MAGI1: variants seen among roughly 807,000 people sequenced by gnomAD.
MAGI1 encodes membrane-associated guanylate kinase, WW and PDZ domain-containing protein 1.
MAGI1 carries 58 observed loss-of-function variants against 139.9 expected under a neutral mutation model. That is an observed-to-expected ratio of 0.41 (90% CI 0.34 to 0.52). The LOEUF (loss-of-function observed/expected upper bound fraction) is 0.52. Among genes scored for constraint, MAGI1 ranks in the 20% least tolerant of loss-of-function variants. MAGI1 has a pLI of 0.12. For missense variants in MAGI1, 1,874 were observed against 1,901.6 expected (o/e 0.99, Z 0.27); for synonymous variants, 812 against 737.9 (o/e 1.10, Z -1.63).
At chr3:65,790,557 G>T (rs1294451951) in intron 1 of MAGI1, among the ~76,000 whole-genome samples, 1 of 152,162 alleles carries the variant, frequency 6.6e-6, no homozygotes, top group Non-Finnish European at 1.5e-5. Context: ...AAGACAAAAA[G>T]ACGGCCTATT....
intron 5 of MAGI1, among the ~76,000 whole-genome samples, chr3:65,464,133 AT>A (rs1559577618): frequency 6.6e-6 from 1 of 151,234 alleles, no homozygotes; most frequent in African/African-American, 2.4e-5. Flanking sequence ...GTCTGCTCTC[AT>A]TTTTTTCTTT....
chr3:65,412,141 A>G (rs1034943618), intron 12 of MAGI1, among the ~76,000 whole-genome samples: 2 of 151,980 alleles, frequency 1.3e-5, no homozygotes, highest in Admixed American at 6.6e-5. Flanking sequence ...GACCCCTCCT[A>G]TCTCTTTACT....
At chr3:65,452,566 A>G (rs1949093123) in intron 6 of MAGI1, 1 of 145,934 alleles carries the variant, frequency 6.9e-6, no homozygotes, top group Non-Finnish European at 1.5e-5. Context: ...AAAGGGACAC[A>G]CTAGCTCTGT....
chr3:65,466,969 T>G (rs1950213865), intron 5 of MAGI1, among the ~76,000 whole-genome samples: 2 of 152,228 alleles, frequency 1.3e-5, no homozygotes. Context: ...GCCCCTTTCC[T>G]GATCCTTTGG....
chr3:65,403,356 G>A (rs1034872350), intron 12 of MAGI1, among the ~76,000 whole-genome samples: 6 of 151,996 alleles, frequency 3.9e-5, no homozygotes, highest in African/African-American at 1.4e-4. Flanking sequence ...AAAGATTATA[G>A]GAGAAAATAT....
At chr3:65,678,878 C>G (rs2087376475) in intron 1 of MAGI1, among the ~76,000 whole-genome samples, 1 of 152,172 alleles carries the variant, frequency 6.6e-6, no homozygotes, top group African/African-American at 2.4e-5. Context: ...AAATCTCTTA[C>G]TCATTTTAAT....
intron 1 of MAGI1, among the ~76,000 whole-genome samples, chr3:65,977,991 T>C (rs1039348529): frequency 1.3e-5 from 2 of 152,220 alleles, no homozygotes; most frequent in Non-Finnish European, 2.9e-5. Context: ...CCAGTGCATC[T>C]AACACCTATT....
rs753172573 is a variant in MAGI1 at position 66,038,342 on chromosome 3, C to T, written c.-34G>A. The T allele has an allele frequency of 1.4e-5, 21 of 1,516,080 alleles. No homozygotes were observed. Among genetic ancestry groups the T allele is most frequent in the African/African-American group, 2.8e-5 (2 of 72,120 alleles). 93.9% of individuals were successfully genotyped at this position (1,516,080 alleles called of 1,614,324 possible). On this transcript the variant is annotated 5_prime_UTR_variant, in exon 1 of 23. Coordinates refer to ENST00000402939, the MANE Select transcript of MAGI1 (RefSeq NM_001033057.2). ...ACACCCCTCCTCCAAAAAAATAAAA[C>T]GAGAGACAGGTGCCCCCCACAGCAC... is the stretch of plus-strand genomic sequence containing the variant.
At chr3:65,385,546 G>A (rs1943380754) in intron 14 of MAGI1, among the ~76,000 whole-genome samples, 1 of 152,188 alleles carries the variant, frequency 6.6e-6, no homozygotes, top group Non-Finnish European at 1.5e-5. Flanking sequence ...TTGGCGAAGA[G>A]ATGTCCCTTT....
rs146309881 is a variant in MAGI1, at chr3:65,457,110, T to C, written c.960-3770A>G. Among the ~76,000 whole-genome samples, 19 of 152,304 alleles carry C rather than the reference T, an allele frequency of 1.2e-4. No homozygotes were observed. In the East Asian group the frequency reaches 3.1e-3, roughly 25 times the overall value. On this transcript the variant is annotated intron_variant, in intron 5 of 22. Transcript: ENST00000402939. ...GACTGAGATTTTGACAGAAATTACA[T>C]TAAACCTGTATATCCATTTGGGGAG...
intron 1 of MAGI1, among the ~76,000 whole-genome samples, chr3:65,864,106 G>A (rs770456724): frequency 5.3e-5 from 8 of 151,786 alleles, no homozygotes; most frequent in Admixed American, 1.3e-4. Context: ...TGAAAAAAAC[G>A]TAAACCAAAA....
chr3:65,827,449 G>T (rs1008880244), intron 1 of MAGI1, among the ~76,000 whole-genome samples: 2 of 152,116 alleles, frequency 1.3e-5, no homozygotes, highest in Non-Finnish European at 2.9e-5. Flanking sequence ...TCTTCAAGAG[G>T]CAATATTATC....
chr3:65,673,864 G>A (rs1279508650), intron 1 of MAGI1, among the ~76,000 whole-genome samples: 1 of 152,150 alleles, frequency 6.6e-6, no homozygotes, highest in Non-Finnish European at 1.5e-5. Flanking sequence ...ATCTACTCAA[G>A]TTGGCAAAAC....
At chr3:65,399,064 C>A (rs561973624) in intron 13 of MAGI1, among the ~76,000 whole-genome samples, 167 of 152,090 alleles carry the variant, frequency 1.1e-3, no homozygotes, top group African/African-American at 3.8e-3. Flanking sequence ...CCAACATTGT[C>A]AGGAGCCTCT....
chr3:66,014,312 T>G (rs960910478), intron 1 of MAGI1, among the ~76,000 whole-genome samples: 1 of 152,204 alleles, frequency 6.6e-6, no homozygotes, highest in Non-Finnish European at 1.5e-5. Context: ...CTTTTTTTAT[T>G]TTTAAGGCAC....
intron 1 of MAGI1, among the ~76,000 whole-genome samples, chr3:65,655,517 A>G (rs2085825348): frequency 6.6e-6 from 1 of 152,160 alleles, no homozygotes; most frequent in African/African-American, 2.4e-5. Context: ...CTATTAATTC[A>G]AAGAGTTTTC....
In MAGI1 at chr3:65,549,811, T is replaced by C. The variant is rs574250156; in HGVS notation, c.431-56180A>G. Among the ~76,000 whole-genome samples the C allele has an allele frequency of 6.6e-5, 10 of 152,070 alleles. No individual in the cohort carries two copies. The South Asian group carries it at 1.9e-3, about 29-fold the overall frequency. ...GGCCCACCAAGAGCTGCTAGCACCT[T>C]GAAATGAATAGGGAGGTGCCGGTCA... is the stretch of plus-strand genomic sequence containing the variant. On this transcript the variant is annotated intron_variant, in intron 2 of 22. Coordinates refer to ENST00000402939, the MANE Select transcript of MAGI1 (RefSeq NM_001033057.2).
chr3:65,637,552 CAAAAAA>C (rs1371880587), intron 1 of MAGI1, among the ~76,000 whole-genome samples: 2 of 87,790 alleles, frequency 2.3e-5, no homozygotes, highest in South Asian at 3.7e-4. Flanking sequence ...ACCCTGTCTC[CAAAAAA>C]AGAAAGAAAG....
intron 1 of MAGI1, among the ~76,000 whole-genome samples, chr3:65,667,108 A>G (rs983483878): frequency 1.3e-5 from 2 of 152,234 alleles, no homozygotes; most frequent in Admixed American, 6.5e-5. Flanking sequence ...AGAGGAAAAA[A>G]GGTGTTCAAA....
Sources: allele counts gnomAD v4.1 joint callset (sites outside exome capture counted in the v4.1 genomes callset), GRCh38; gene constraint gnomAD v4.1.1; transcripts MANE v1.5; gene names NCBI Gene and HGNC (gene_info 2026-07-23, HGNC 2026-07-21).